Variants in BCL2L13 observed in about 807,000 individuals in gnomAD.
BCL2L13 encodes BCL2 like 13, also known as bcl-2-like protein 13.
BCL2L13 carries 13 observed loss-of-function variants against 25.8 expected under a neutral mutation model. The observed-to-expected ratio is 0.50, with a 90% CI of 0.33 to 0.80. The LOEUF (loss-of-function observed/expected upper bound fraction) is 0.80, where lower values mean the gene tolerates loss of function less well. Ranked by LOEUF, BCL2L13 falls within the 30% of genes least tolerant of loss-of-function variation. The pLI, the probability that BCL2L13 is intolerant of heterozygous loss-of-function variation, is 0.02. For missense variants in BCL2L13, 504 were observed against 574.9 expected (o/e 0.88, Z 1.26); for synonymous variants, 244 against 230.3 (o/e 1.06, Z -0.54).
upstream of BCL2L13, among the ~76,000 whole-genome samples, chr22:17,634,454 G>A (rs2058074448): frequency 6.6e-6 from 1 of 152,162 alleles, no homozygotes; most frequent in Non-Finnish European, 1.5e-5. Flanking sequence ...CAAAGTGTTG[G>A]GACTACAGGC....
chr22:17,685,026 C>G (rs540319678), intron 3 of BCL2L13, among the ~76,000 whole-genome samples: 1 of 152,148 alleles, frequency 6.6e-6, no homozygotes, highest in Non-Finnish European at 1.5e-5. Flanking sequence ...TGAGCCACCA[C>G]GCCCGGCCTG....
At chr22:17,661,779 G>A (rs910958218) in intron 2 of BCL2L13, among the ~76,000 whole-genome samples, 1 of 144,516 alleles carries the variant, frequency 6.9e-6, no homozygotes, top group African/African-American at 2.4e-5. Flanking sequence ...ACCACCTGAG[G>A]TCGGGAGTTA....
chr22:17,695,561 C>G (rs2060240097), intron 4 of BCL2L13, among the ~76,000 whole-genome samples: 1 of 152,100 alleles, frequency 6.6e-6, no homozygotes, highest in Admixed American at 6.6e-5. Flanking sequence ...ACTTCGTGAT[C>G]CACCTGCCTC....
At position 17,728,169 on chromosome 22, in the gene BCL2L13, C is replaced by CA. The variant is rs1051361563; in HGVS notation, c.*636dup. ...GTGTGAGGGTGCTCGCCCGTACTCT[C>CA]AGCTGCCTCTCAGGGACTGCACTGT... On this transcript the variant is annotated 3_prime_UTR_variant, in exon 7 of 7. Coordinates refer to ENST00000317582, the MANE Select transcript of BCL2L13 (RefSeq NM_015367.4). 2.6e-5 allele frequency: 4 copies of CA among 154,854 alleles called. No homozygotes were observed. The highest frequency in any genetic ancestry group is 5.7e-5 in the Non-Finnish European group (4 of 69,714). 9.6% of individuals were successfully genotyped at this position (154,854 alleles called of 1,614,324 possible).
At chr22:17,648,425 T>C (rs981421520) in intron 1 of BCL2L13, among the ~76,000 whole-genome samples, 7 of 152,050 alleles carry the variant, frequency 4.6e-5, no homozygotes, top group African/African-American at 1.7e-4. Flanking sequence ...GGGCCAGATA[T>C]GGTGGCTCAC....
At chr22:17,654,594 T>G (rs2058792920) in intron 1 of BCL2L13, among the ~76,000 whole-genome samples, 4 of 151,966 alleles carry the variant, frequency 2.6e-5, no homozygotes. Flanking sequence ...GGCTAATTTT[T>G]TTTGTATTTT....
At chr22:17,648,923 G>A (rs1161107313) in intron 1 of BCL2L13, among the ~76,000 whole-genome samples, 1 of 151,900 alleles carries the variant, frequency 6.6e-6, no homozygotes, top group Non-Finnish European at 1.5e-5. Flanking sequence ...CAACAAATTA[G>A]AGAATATCAA....
chr22:17,693,448 C>T (rs1321880010), intron 4 of BCL2L13, among the ~76,000 whole-genome samples: 18 of 138,670 alleles, frequency 1.3e-4, no homozygotes, highest in Non-Finnish European at 2.1e-4. Flanking sequence ...GGTGCAATCT[C>T]GGCTCACTAC....
At chr22:17,646,819 A>G (rs1356513374) in intron 1 of BCL2L13, among the ~76,000 whole-genome samples, 4 of 134,188 alleles carry the variant, frequency 3.0e-5, no homozygotes, top group South Asian at 5.0e-4. Context: ...TCCCAGGTTC[A>G]AGTGATTCTC....
At chr22:17,668,039 C>T (rs2059291556) in intron 2 of BCL2L13, among the ~76,000 whole-genome samples, 1 of 127,342 alleles carries the variant, frequency 7.9e-6, no homozygotes, top group African/African-American at 3.1e-5. Context: ...TTGAGACAGT[C>T]TCGCTCTGTC....
At chr22:17,693,995 C>T (rs1366074864) in intron 4 of BCL2L13, among the ~76,000 whole-genome samples, 3 of 151,024 alleles carry the variant, frequency 2.0e-5, no homozygotes, top group Non-Finnish European at 3.0e-5. Flanking sequence ...TGACTTCAAG[C>T]GATCCACCTG....
At chr22:17,641,807 T>G (rs982601630) in intron 1 of BCL2L13, among the ~76,000 whole-genome samples, 2 of 151,036 alleles carry the variant, frequency 1.3e-5, no homozygotes, top group Non-Finnish European at 3.0e-5. Context: ...TGTTTTTTTT[T>G]TTTTTTTTTT....
intron 2 of BCL2L13, among the ~76,000 whole-genome samples, chr22:17,670,941 T>C (rs370244591): frequency 3.3e-5 from 5 of 152,242 alleles, no homozygotes; most frequent in Middle Eastern, 3.4e-3. Flanking sequence ...CAATCATGAT[T>C]GGCTGTCTGG....
intron 1 of BCL2L13, among the ~76,000 whole-genome samples, chr22:17,629,725 T>C (rs924082131): frequency 1.3e-5 from 2 of 152,114 alleles, no homozygotes; most frequent in South Asian, 4.1e-4. Flanking sequence ...ATTTGAGATA[T>C]AGTAACTTGT....
chr22:17,665,232 G>A (rs1292790366), intron 2 of BCL2L13, among the ~76,000 whole-genome samples: 5 of 152,186 alleles, frequency 3.3e-5, no homozygotes, highest in Non-Finnish European at 7.3e-5. Context: ...AACGCCACCA[G>A]TCTCTTTGCT....
chr22:17,689,215 T>G (rs2060033452), intron 4 of BCL2L13, 73 bp downstream of exon 4: 1 of 1,387,880 alleles, frequency 7.2e-7, no homozygotes, highest in African/African-American at 1.5e-5. Flanking sequence ...CTGGATTGGT[T>G]AGGGCTGTGT....
chr22:17,680,885 G>GT (rs1399301333), intron 2 of BCL2L13, among the ~76,000 whole-genome samples: 3 of 152,124 alleles, frequency 2.0e-5, no homozygotes, highest in Non-Finnish European at 4.4e-5. Context: ...GCTGCCTATA[G>GT]TTTCTTCATA....
intron 2 of BCL2L13, among the ~76,000 whole-genome samples, chr22:17,682,263 A>G: frequency 6.6e-6 from 1 of 152,258 alleles, no homozygotes. Flanking sequence ...TGATTGGTAC[A>G]AAGAAATCGT....
In BCL2L13 at chr22:17,685,671, A is replaced by G. The variant is rs547348269; in HGVS notation, c.229+2350A>G. Among the ~76,000 whole-genome samples, 3 of 147,004 alleles carry G rather than the reference A, an allele frequency of 2.0e-5. No individual in the cohort carries two copies. The Admixed American group carries it at 2.1e-4, about 10-fold the overall frequency. Reference sequence around the variant, plus strand: ...GTTAATGGAAATTTAGGTTGTTTCTACTTGTTTACTATTATGTATAATGCT... The same window carrying G: ...GTTAATGGAAATTTAGGTTGTTTCTGCTTGTTTACTATTATGTATAATGCT... On this transcript the variant is annotated intron_variant, in intron 3 of 6. Coordinates refer to ENST00000317582, the MANE Select transcript of BCL2L13 (RefSeq NM_015367.4).
Sources: gnomAD v4.1 joint callset for allele counts (sites outside exome capture counted in the v4.1 genomes callset) on GRCh38, gnomAD v4.1.1 for gene constraint, MANE v1.5 for transcripts, NCBI Gene and HGNC (gene_info 2026-07-23, HGNC 2026-07-21) for gene names.